The following SNTG2 variants were observed in gnomAD, a reference collection of about 807,000 sequenced individuals.
SNTG2 encodes syntrophin gamma 2.
In SNTG2, 74 loss-of-function variants were observed where a neutral mutation model predicts 70.9. The observed-to-expected ratio is 1.04, with a 90% confidence interval of 0.86 to 1.27. The LOEUF (loss-of-function observed/expected upper bound fraction) is 1.27. Among genes scored for constraint, SNTG2 ranks in the 50% most tolerant of loss-of-function variants. The pLI, the probability that SNTG2 is intolerant of heterozygous loss-of-function variation, is 0.00. For synonymous variants in SNTG2, 278 were observed against 273.8 expected (o/e 1.02, Z -0.15); for missense variants, 717 against 690.7 (o/e 1.04, Z -0.43).
At position 1,355,194 on chromosome 2, in the gene SNTG2, ATG is replaced by A. The variant is rs531240310; in HGVS notation, c.1489-12144_1489-12143del. ...ATCTTTCTGGTTTTCGTATTTGTTT[ATG>A]TGTGGTAACAAGCACATGACATGAG... On this transcript the variant is annotated intron_variant, in intron 16 of 16. Transcript: ENST00000308624. Among the ~76,000 whole-genome samples the A allele has an allele frequency of 2.0e-4, 30 of 152,318 alleles. No homozygotes were observed. In the South Asian group the frequency reaches 2.5e-3, roughly 13 times the overall value.
intron 4 of SNTG2, among the ~76,000 whole-genome samples, chr2:1,110,205 A>G (rs1376077591): frequency 6.6e-6 from 1 of 152,202 alleles, no homozygotes; most frequent in Non-Finnish European, 1.5e-5. Flanking sequence ...GTCGTCGTCT[A>G]AAGTCATGGC....
chr2:1,091,434 A>G (rs1000954272), intron 2 of SNTG2, among the ~76,000 whole-genome samples: 1 of 152,162 alleles, frequency 6.6e-6, no homozygotes, highest in Non-Finnish European at 1.5e-5. Flanking sequence ...CCTGTACCCC[A>G]TCAGGGATCG....
rs1485462059 is a variant in SNTG2 at position 1,097,058 on chromosome 2, C to T, written c.211-1138C>T. ...AAAATACTATATGTCCAAAAAGGATCGAAATGGTAAAATTTCCAATTAAAG... is the reference window on the plus strand; with the variant it reads ...AAAATACTATATGTCCAAAAAGGATTGAAATGGTAAAATTTCCAATTAAAG... On this transcript the variant is annotated intron_variant, in intron 2 of 16. Coordinates refer to ENST00000308624, the MANE Select transcript of SNTG2 (RefSeq NM_018968.4). This position sits in a 1 kb window ranked among gnomAD's most constrained non-coding sequence, Gnocchi z 4.1. Among the ~76,000 whole-genome samples the T allele has an allele frequency of 2.0e-5, 3 of 152,158 alleles. No homozygotes were observed. The highest frequency in any genetic ancestry group is 1.3e-4 in the Admixed American group (2 of 15,270).
intron 16 of SNTG2, among the ~76,000 whole-genome samples, chr2:1,352,268 GT>G (rs1402309056): frequency 2.0e-5 from 3 of 152,222 alleles, no homozygotes; most frequent in African/African-American, 7.2e-5. Flanking sequence ...TCCTGACTGT[GT>G]TTGGGGTACC....
chr2:1,347,768 T>C (rs1364860212), intron 16 of SNTG2, among the ~76,000 whole-genome samples: 1 of 152,202 alleles, frequency 6.6e-6, no homozygotes, highest in Non-Finnish European at 1.5e-5. Context: ...CAGGGAGACA[T>C]GAATTTGGGG....
intron 4 of SNTG2, among the ~76,000 whole-genome samples, chr2:1,136,547 T>C (rs4553853): frequency 0.99 from 150,329 of 152,302 alleles, 74,224 homozygotes; most frequent in East Asian, 1. Flanking sequence ...AGTTTCAACA[T>C]GATTTAATAT....
chr2:1,289,537 G>T (rs1679903426), intron 14 of SNTG2, among the ~76,000 whole-genome samples: 1 of 152,162 alleles, frequency 6.6e-6, no homozygotes, highest in Admixed American at 6.5e-5. Context: ...TGACATCCGT[G>T]TTTGCTTTGC....
intron 16 of SNTG2, among the ~76,000 whole-genome samples, chr2:1,363,125 A>G (rs1333264565): frequency 3.5e-5 from 3 of 85,268 alleles, no homozygotes; most frequent in Non-Finnish European, 7.0e-5. Flanking sequence ...CCCTCACAAA[A>G]TGGACCCCCC....
intron 6 of SNTG2, 59 bp downstream of exon 6, chr2:1,137,868 T>C: frequency 6.8e-7 from 1 of 1,462,566 alleles, no homozygotes; most frequent in East Asian, 2.3e-5. Flanking sequence ...GAATTATTTG[T>C]CTCTATAGTT....
At chr2:1,149,841 C>CCA (rs1305613366) in intron 6 of SNTG2, among the ~76,000 whole-genome samples, 1 of 150,886 alleles carries the variant, frequency 6.6e-6, no homozygotes, top group African/African-American at 2.4e-5. Context: ...GCTCCCGCCA[C>CCA]CGCGCCTGGC....
intron 14 of SNTG2, among the ~76,000 whole-genome samples, chr2:1,296,436 C>T (rs532958159): frequency 3.8e-4 from 58 of 152,382 alleles, no homozygotes; most frequent in African/African-American, 1.4e-3. Flanking sequence ...GCAGCAGCCT[C>T]TGTGCTGGTG....
chr2:1,125,155 TTAAA>T (rs1247097738), intron 4 of SNTG2, among the ~76,000 whole-genome samples: 1 of 152,174 alleles, frequency 6.6e-6, no homozygotes, highest in Non-Finnish European at 1.5e-5. Context: ...TCAAATTATG[TTAAA>T]TAAAACTTTT....
chr2:1,133,349 A>G (rs1668147252), intron 4 of SNTG2, among the ~76,000 whole-genome samples: 1 of 152,242 alleles, frequency 6.6e-6, no homozygotes. Context: ...TATGTTCACG[A>G]TAACACAGTT....
At chr2:1,015,893 G>T (rs1359248403) in intron 1 of SNTG2, among the ~76,000 whole-genome samples, 4 of 152,184 alleles carry the variant, frequency 2.6e-5, no homozygotes, top group Non-Finnish European at 5.9e-5. Context: ...CAAAAGACTT[G>T]CAGATGGCCC....
In SNTG2 at chr2:1,083,659, A is replaced by C. The variant is rs758172214; in HGVS notation, c.210+4A>C. On this transcript the variant is annotated splice_donor_region_variant and intron_variant, in intron 2 of 16. Transcript: ENST00000308624. The stretch of plus-strand genomic sequence containing the variant: ...CGGAAGCCACCAGGGCAGGAATGTA[A>C]GTGCCATCACTTCAGGGAAGTCTTG... The C allele has an allele frequency of 1.4e-5, 22 of 1,613,642 alleles. No individual in the cohort carries two copies. In the Middle Eastern group the frequency reaches 4.9e-4, roughly 36 times the overall value.
At chr2:960,971 C>T (rs978770418) in intron 1 of SNTG2, among the ~76,000 whole-genome samples, 3 of 152,214 alleles carry the variant, frequency 2.0e-5, no homozygotes, top group Non-Finnish European at 4.4e-5. Context: ...TGTCACTCCC[C>T]GCCTGGACGG....
intron 1 of SNTG2, among the ~76,000 whole-genome samples, chr2:974,337 G>GGACA (rs1443015413): frequency 6.6e-6 from 1 of 152,224 alleles, no homozygotes; most frequent in Admixed American, 6.5e-5. Context: ...GGGGGCAGAA[G>GGACA]GACAGGGCCT....
chr2:1,199,288 C>T (rs1673133957), intron 8 of SNTG2, among the ~76,000 whole-genome samples: 1 of 151,468 alleles, frequency 6.6e-6, no homozygotes, highest in African/African-American at 2.4e-5. Flanking sequence ...AACCATATGA[C>T]CATCTCAGTA....
chr2:1,007,941 G>A (rs749492617), intron 1 of SNTG2, among the ~76,000 whole-genome samples: 2 of 152,112 alleles, frequency 1.3e-5, no homozygotes, highest in African/African-American at 2.4e-5. Flanking sequence ...TTTTAGTAGA[G>A]ACGGGGTTTC....
Sources: allele counts gnomAD v4.1 joint callset (sites outside exome capture counted in the v4.1 genomes callset), GRCh38; gene constraint gnomAD v4.1.1; non-coding constraint Gnocchi (gnomAD v3.1); transcripts MANE v1.5; gene names NCBI Gene and HGNC (gene_info 2026-07-23, HGNC 2026-07-21).